Variants in SCRG1 observed in about 807,000 individuals in gnomAD.
SCRG1 encodes stimulator of chondrogenesis 1.
A neutral mutation model predicts 7.7 loss-of-function variants in SCRG1; 3 were observed. The ratio of observed to expected loss-of-function variants is 0.39; its 90% CI spans 0.18 to 1.01. The LOEUF (loss-of-function observed/expected upper bound fraction) is 1.01, where lower values mean the gene tolerates loss of function less well. SCRG1 is among the 50% of genes least tolerant of loss of function. The pLI, the probability that SCRG1 is intolerant of heterozygous loss-of-function variation, is 0.36. For synonymous variants in SCRG1, 46 were observed against 41.2 expected (o/e 1.12, Z -0.44); for missense variants, 110 against 117.2 (o/e 0.94, Z 0.28).
At position 173,388,255 on chromosome 4, in the gene SCRG1, A is replaced by T; in HGVS notation, c.*86T>A. The stretch of plus-strand genomic sequence containing the variant: ...TATAGAATCTATGCTCTATTGCACT[A>T]TATAGAAACTAGAAATGCAGTTATA... On this transcript the variant is annotated 3_prime_UTR_variant, in exon 3 of 3. Coordinates refer to ENST00000296506, the MANE Select transcript of SCRG1 (RefSeq NM_007281.4). 1.1e-6 allele frequency: 1 copy of T among 881,718 alleles called. No individual in the cohort carries two copies. Among genetic ancestry groups the T allele is most frequent in the Non-Finnish European group, 1.8e-6 (1 of 546,862 alleles). The allele number at this position is 881,718 out of a possible 1,614,324, so 54.6% of individuals were successfully genotyped here.
At chr4:173,485,048 T>TA in the SCRG1 span, among the ~76,000 whole-genome samples, 1 of 12,792 alleles carries the variant, frequency 7.8e-5, no homozygotes, top group African/African-American at 2.0e-4. Flanking sequence ...ATATATTATA[T>TA]AATATATTAT....
At chr4:173,459,876 T>C in the SCRG1 span, among the ~76,000 whole-genome samples, 1 of 147,420 alleles carries the variant, frequency 6.8e-6, no homozygotes, top group Non-Finnish European at 1.5e-5. Context: ...TTTATTGTAA[T>C]AGCCAGAAGA....
the SCRG1 span, among the ~76,000 whole-genome samples, chr4:173,462,003 ACAGT>A: frequency 2.6e-5 from 4 of 152,160 alleles, no homozygotes; most frequent in African/African-American, 9.7e-5. Context: ...TTGAAAATAC[ACAGT>A]CAGAGGAGAA....
At chr4:173,454,706 G>T in the SCRG1 span, among the ~76,000 whole-genome samples, 1 of 152,328 alleles carries the variant, frequency 6.6e-6, no homozygotes, top group African/African-American at 2.4e-5. Context: ...TTAGGGGTCA[G>T]GTCTAGAGAA....
In SCRG1 at chr4:173,391,278, G is replaced by C. The variant is rs953615941; in HGVS notation, c.137C>G (p.Ala46Gly). The C allele has an allele frequency of 6.2e-7, 1 of 1,614,178 alleles. No homozygotes were observed. Among genetic ancestry groups the C allele is most frequent in the Non-Finnish European group, 8.5e-7 (1 of 1,180,030 alleles). ...ATTGACATCAATCTGTGTCAGGTCA[G>C]CTACTCCTTCCGGAAGGTTGTGACA... ...HNCHNLPEGVADLTQIDVNVQ... is the reference protein window; with the variant it reads ...HNCHNLPEGVGDLTQIDVNVQ... Residue 46 changes from alanine (A) to glycine (G), a missense_variant, in exon 2 of 3, where the codon GCT becomes GGT. Ala to Gly is a moderately conservative substitution (Grantham distance 60). Coordinates refer to ENST00000296506, the MANE Select transcript of SCRG1 (RefSeq NM_007281.4).
the SCRG1 span, among the ~76,000 whole-genome samples, chr4:173,476,518 C>T: frequency 1.3e-5 from 2 of 151,812 alleles, no homozygotes; most frequent in Non-Finnish European, 2.9e-5. Flanking sequence ...CCACCCAATG[C>T]CTTGGTTCTG....
chr4:173,499,640 C>G, the SCRG1 span, among the ~76,000 whole-genome samples: 2 of 152,224 alleles, frequency 1.3e-5, no homozygotes, highest in African/African-American at 4.8e-5. The surrounding 1 kb of genome is among the most constrained non-coding windows in gnomAD (Gnocchi z 4.1). Flanking sequence ...AGTGTACCGC[C>G]TGGTCCCTAC....
chr4:173,394,799 TTTAAA>T (rs1201468165), intron 1 of SCRG1, among the ~76,000 whole-genome samples: 4 of 152,234 alleles, frequency 2.6e-5, no homozygotes, highest in African/African-American at 9.6e-5. Flanking sequence ...ATAAACATAT[TTTAAA>T]TTATAGTTAT....
At chr4:173,439,507 C>A in the SCRG1 span, among the ~76,000 whole-genome samples, 1 of 45,268 alleles carries the variant, frequency 2.2e-5, no homozygotes, top group South Asian at 1.4e-3. Context: ...AGAGAGAGAC[C>A]CTGTTTAAAA....
chr4:173,449,835 C>A, the SCRG1 span, among the ~76,000 whole-genome samples: 1 of 152,148 alleles, frequency 6.6e-6, no homozygotes, highest in Non-Finnish European at 1.5e-5. Flanking sequence ...TCCTCCTGCA[C>A]GCCCCTTCTC....
chr4:173,495,960 G>T, the SCRG1 span, among the ~76,000 whole-genome samples: 6 of 152,278 alleles, frequency 3.9e-5, no homozygotes, highest in African/African-American at 1.4e-4. Flanking sequence ...GCTGAATTTT[G>T]AAGGACAAGA....
At chr4:173,486,414 T>C in the SCRG1 span, among the ~76,000 whole-genome samples, 1 of 152,194 alleles carries the variant, frequency 6.6e-6, no homozygotes, top group African/African-American at 2.4e-5. Flanking sequence ...CCATGTATCG[T>C]AGGCTTTCTT....
the SCRG1 span, among the ~76,000 whole-genome samples, chr4:173,450,512 C>A: frequency 6.6e-6 from 1 of 152,142 alleles, no homozygotes; most frequent in Admixed American, 6.5e-5. Context: ...AGAGCATGGG[C>A]AGCATTGGGA....
At chr4:173,469,273 T>C in the SCRG1 span, 1 of 152,200 alleles carries the variant, frequency 6.6e-6, no homozygotes, top group Non-Finnish European at 1.5e-5. Flanking sequence ...AATTTTTCTG[T>C]AATCAATTAA....
At chr4:173,414,883 G>GTGCACTCCTTGGTT in the SCRG1 span, among the ~76,000 whole-genome samples, 2 of 152,152 alleles carry the variant, frequency 1.3e-5, no homozygotes, top group African/African-American at 4.8e-5. Context: ...ACTCCTTGGT[G>GTGCACTCCTTGGTT]GGCACTGCGT....
chr4:173,418,986 G>A, the SCRG1 span, among the ~76,000 whole-genome samples: 1 of 152,094 alleles, frequency 6.6e-6, no homozygotes, highest in African/African-American at 2.4e-5. Context: ...CCCAGTCCTA[G>A]GTAGTTCCTT....
At chr4:173,450,686 CAGAT>C in the SCRG1 span, among the ~76,000 whole-genome samples, 5 of 152,200 alleles carry the variant, frequency 3.3e-5, no homozygotes, top group Admixed American at 6.5e-5. Context: ...CTCAGACTCT[CAGAT>C]AGGGAAACCC....
the SCRG1 span, among the ~76,000 whole-genome samples, chr4:173,474,929 C>T: frequency 1.7e-4 from 26 of 151,824 alleles, no homozygotes; most frequent in Admixed American, 1.6e-3. Context: ...TGAAATCTCT[C>T]TCTCTCTTTT....
chr4:173,483,010 AT>A, the SCRG1 span, among the ~76,000 whole-genome samples: 21 of 130,168 alleles, frequency 1.6e-4, no homozygotes, highest in East Asian at 2.8e-3. Context: ...TGTATAATAT[AT>A]TATATAATTT....
Sources: allele counts gnomAD v4.1 joint callset (sites outside exome capture counted in the v4.1 genomes callset), GRCh38; gene constraint gnomAD v4.1.1; non-coding constraint Gnocchi (gnomAD v3.1); transcripts MANE v1.5; gene names NCBI Gene and HGNC (gene_info 2026-07-23, HGNC 2026-07-21).